The following GRK5 variants were observed in gnomAD, a reference collection of about 807,000 sequenced individuals.
The protein encoded by GRK5 is G protein-coupled receptor kinase 5, also known as g protein-coupled receptor kinase GRK5.
In GRK5, 40 loss-of-function variants were observed where a neutral mutation model predicts 78.4. The ratio of observed to expected loss-of-function variants is 0.51; its 90% CI spans 0.40 to 0.66. The LOEUF is 0.66. Among genes scored for constraint, GRK5 ranks in the 30% least tolerant of loss-of-function variants. GRK5 has a pLI of 0.00. For synonymous variants in GRK5, 289 were observed against 296.8 expected, an observed-to-expected ratio of 0.97 and a Z score of 0.27; for missense variants, 598 against 759.9, an observed-to-expected ratio of 0.79 and a Z score of 2.50.
rs1300424758 is a variant in GRK5 at position 119,455,487 on chromosome 10, C to G, written c.*420C>G. 5.7e-6 allele frequency: 2 copies of G among 349,242 alleles called. No individual in the cohort carries two copies. Among genetic ancestry groups the G allele is most frequent in the Non-Finnish European group, 1.1e-5 (2 of 183,268 alleles). The allele number at this position is 349,242 out of a possible 1,614,324, so 21.6% of individuals were successfully genotyped here. Reference sequence around the variant, plus strand: ...ACTTTGAGGGTGTATATTTTCTGTGCAGCCACTGTTAAGCCATGTGTTCCA... The same window carrying G: ...ACTTTGAGGGTGTATATTTTCTGTGGAGCCACTGTTAAGCCATGTGTTCCA... On this transcript the variant is annotated 3_prime_UTR_variant, in exon 16 of 16. Coordinates refer to ENST00000392870, the MANE Select transcript of GRK5 (RefSeq NM_005308.3).
chr10:119,368,956 C>G (rs938252535), intron 2 of GRK5, among the ~76,000 whole-genome samples: 4 of 152,198 alleles, frequency 2.6e-5, no homozygotes, highest in Admixed American at 6.5e-5. Context: ...ATATACTCCC[C>G]AGTTTGGAAG....
intron 1 of GRK5, among the ~76,000 whole-genome samples, chr10:119,304,695 G>A (rs2133727114): frequency 6.6e-6 from 1 of 152,292 alleles, no homozygotes; most frequent in African/African-American, 2.4e-5. Context: ...TGTCGCCAGT[G>A]CACCACGCTG....
chr10:119,326,444 TGGGCAGGCTCACTGC>T (rs1850680530), intron 1 of GRK5, 57 bp from the exon 2 acceptor site: 2 of 1,251,972 alleles, frequency 1.6e-6, no homozygotes, highest in Admixed American at 1.8e-5. Context: ...AGGAGGCTGG[TGGGCAGGCTCACTGC>T]GGGGACGCCG....
At position 119,425,286 on chromosome 10, in the gene GRK5, C is replaced by CACACACACACAA. The variant is rs1554920947; in HGVS notation, c.533+209_533+220dup. Among the ~76,000 whole-genome samples the CACACACACACAA allele has an allele frequency of 3.2e-3, 439 of 135,294 alleles. 1 individual carries two copies. Among genetic ancestry groups the CACACACACACAA allele is most frequent in the African/African-American group, 9.2e-3 (368 of 40,062 alleles). The allele number at this position is 135,294 out of a possible 152,430, so 88.8% of individuals were successfully genotyped here. On this transcript the variant is annotated intron_variant, in intron 6 of 15. Transcript: ENST00000392870. ...ACACACATACACACACACACACACA[C>CACACACACACAA]ACACACACACAAACACACATTCACG... is the stretch of plus-strand genomic sequence containing the variant.
At position 119,369,558 on chromosome 10, in the gene GRK5, T is replaced by C. The variant is rs188121144; in HGVS notation, c.149-11257T>C. Among the ~76,000 whole-genome samples the C allele has an allele frequency of 9.8e-5, 15 of 152,332 alleles. No homozygotes were observed. The East Asian group carries it at 1.9e-3, about 20-fold the overall frequency. On this transcript the variant is annotated intron_variant, in intron 2 of 15. Transcript: ENST00000392870. ...ATCTCAGTGATTTTGCAGCTGTGCT[T>C]TTAGGAGAGCTGTTTTCCCCTCATT...
rs1184464915 is a variant in GRK5, at chr10:119,267,654, A to C, written c.53-58862A>C. ...CCGAACCAGCCTTAGGTTCTATAGC[A>C]AGGAGGTCCAGCACCGCTCGTGGAC... On this transcript the variant is annotated intron_variant, in intron 1 of 15. Transcript: ENST00000392870. This position sits in a 1 kb window ranked among gnomAD's most constrained non-coding sequence, Gnocchi z 4.1. Among the ~76,000 whole-genome samples, 1 of 152,198 alleles carries C rather than the reference A, an allele frequency of 6.6e-6. No homozygotes were observed. Among genetic ancestry groups the C allele is most frequent in the Non-Finnish European group, 1.5e-5 (1 of 68,034 alleles).
intron 2 of GRK5, among the ~76,000 whole-genome samples, chr10:119,344,916 T>TCCTTTTCCTCCCTC (rs1851057755): frequency 7.2e-6 from 1 of 139,750 alleles, no homozygotes; most frequent in Non-Finnish European, 1.5e-5. Context: ...CTTCCTTCCT[T>TCCTTTTCCTCCCTC]CCTTCCTTCC....
intron 1 of GRK5, among the ~76,000 whole-genome samples, chr10:119,260,909 T>A (rs1240595955): frequency 4.9e-4 from 75 of 152,214 alleles, no homozygotes; most frequent in African/African-American, 1.7e-3. Flanking sequence ...CCGTTCTCAA[T>A]GAGCTGTTGG....
chr10:119,341,125 C>T (rs536656709), intron 2 of GRK5, among the ~76,000 whole-genome samples: 1 of 152,254 alleles, frequency 6.6e-6, no homozygotes, highest in East Asian at 1.9e-4. Flanking sequence ...CTAGTCTGCC[C>T]CTCTCGCCCC....
chr10:119,292,080 TTCC>T (rs1477292161), intron 1 of GRK5, among the ~76,000 whole-genome samples: 2 of 53,640 alleles, frequency 3.7e-5, no homozygotes, highest in Non-Finnish European at 3.6e-5. Flanking sequence ...TCTCCTCCTC[TTCC>T]TCCTCCTTCT....
At chr10:119,433,808 A>G (rs1852868192) in intron 8 of GRK5, among the ~76,000 whole-genome samples, 1 of 151,644 alleles carries the variant, frequency 6.6e-6, no homozygotes, top group Admixed American at 6.6e-5. Context: ...TCTGGACTCC[A>G]CCAGCAGAGG....
rs75944858 is a variant in GRK5 at position 119,443,459 on chromosome 10, G to A, written c.1058-85G>A. ...AGTTGGTGGGGTAAGAGTTGGTGGC[G>A]GCCATGAAACTCCAGGCCTTCTGTG... On this transcript the variant is annotated intron_variant, in intron 11 of 15. Transcript: ENST00000392870. 2,672 of 1,265,850 alleles carry A rather than the reference G, an allele frequency of 2.1e-3. 3 individuals are homozygous for A. The highest frequency in any genetic ancestry group is 2.7e-3 in the Non-Finnish European group (2,432 of 901,848). 78.4% of individuals were successfully genotyped at this position (1,265,850 alleles called of 1,614,324 possible). A position where few individuals can be genotyped will look rare whatever the true frequency, so the allele number is the denominator to read the frequency against.
At chr10:119,308,680 A>G (rs1351029510) in intron 1 of GRK5, among the ~76,000 whole-genome samples, 1 of 152,182 alleles carries the variant, frequency 6.6e-6, no homozygotes, top group Non-Finnish European at 1.5e-5. Context: ...GAGCTTTCTT[A>G]CGCCTCGTTC....
chr10:119,373,883 G>A (rs900945321), intron 2 of GRK5, among the ~76,000 whole-genome samples: 9 of 152,138 alleles, frequency 5.9e-5, no homozygotes, highest in African/African-American at 1.2e-4. Flanking sequence ...GTGTGCCTGC[G>A]TAGTCTGCGG....
At chr10:119,275,618 C>T (rs1176090797) in intron 1 of GRK5, among the ~76,000 whole-genome samples, 1 of 144,088 alleles carries the variant, frequency 6.9e-6, no homozygotes, top group African/African-American at 2.6e-5. Context: ...CTCTCGCACA[C>T]ACACACACAC....
At chr10:119,300,977 G>A (rs577763894) in intron 1 of GRK5, among the ~76,000 whole-genome samples, 13 of 152,160 alleles carry the variant, frequency 8.5e-5, no homozygotes, top group Admixed American at 4.6e-4. Context: ...GATGGCGGGC[G>A]CCTGTAATCC....
At chr10:119,218,235 T>G (rs2133705090) in intron 1 of GRK5, among the ~76,000 whole-genome samples, 1 of 152,150 alleles carries the variant, frequency 6.6e-6, no homozygotes, top group Non-Finnish European at 1.5e-5. Flanking sequence ...TGTCGCTCCC[T>G]GATGATGAGG....
At chr10:119,329,034 G>C (rs1315144365) in intron 2 of GRK5, among the ~76,000 whole-genome samples, 2 of 152,312 alleles carry the variant, frequency 1.3e-5, no homozygotes, top group Middle Eastern at 3.4e-3. Context: ...TGCCTCACAG[G>C]AGGGGCACAA....
At chr10:119,250,333 C>T (rs888301849) in intron 1 of GRK5, among the ~76,000 whole-genome samples, 2 of 152,122 alleles carry the variant, frequency 1.3e-5, no homozygotes, top group Non-Finnish European at 2.9e-5. Context: ...ACTTTCTTTG[C>T]CATTCTCCCT....
Sources: gnomAD v4.1 joint callset for allele counts (sites outside exome capture counted in the v4.1 genomes callset) on GRCh38, gnomAD v4.1.1 for gene constraint, Gnocchi (gnomAD v3.1) non-coding constraint, MANE v1.5 for transcripts, NCBI Gene and HGNC (gene_info 2026-07-23, HGNC 2026-07-21) for gene names.